Variants in TEX10 observed in about 807,000 individuals in gnomAD.
TEX10 encodes the protein testis-expressed protein 10.
In TEX10, 24 loss-of-function variants were observed where a neutral mutation model predicts 104.4. The ratio of observed to expected loss-of-function variants is 0.23; its 90% CI spans 0.17 to 0.32. TEX10 has a LOEUF of 0.32. TEX10 is among the 10% of genes least tolerant of loss of function. TEX10 has a pLI of 1.00. For missense variants in TEX10, 921 were observed against 1,083.9 expected (o/e 0.85, Z 2.11); for synonymous variants, 396 against 393.4 (o/e 1.01, Z -0.08).
In TEX10 at chr9:100,352,866, C is replaced by A. The variant is rs953066612; in HGVS notation, c.-104G>T. ...AACAGCGTGCGCCGCCGACCTCAGG[C>A]TCTAGCTCCCGGAGCGTGTTTTCAA... is the stretch of plus-strand genomic sequence containing the variant. On this transcript the variant is annotated 5_prime_UTR_variant, in exon 1 of 15. Transcript: ENST00000374902. The A allele has an allele frequency of 2.0e-6, 2 of 1,002,846 alleles. No individual in the cohort carries two copies. The highest frequency in any genetic ancestry group is 1.1e-4 in the East Asian group (1 of 9,366). The allele number at this position is 1,002,846 out of a possible 1,614,324, so 62.1% of individuals were successfully genotyped here. A position where few individuals can be genotyped will look rare whatever the true frequency, so the allele number is the denominator to read the frequency against.
At chr9:100,326,623 T>C in intron 8 of TEX10, 144 bp from the exon 9 acceptor site, 2 of 768,138 alleles carry the variant, frequency 2.6e-6, no homozygotes, top group Non-Finnish European at 2.0e-6. Flanking sequence ...AAAAGCATAA[T>C]TATATTAATA....
Position 100,333,041 on chromosome 9 carries a change from G to T in TEX10, c.1251-2872C>A, listed in dbSNP as rs371573020. Among the ~76,000 whole-genome samples the T allele has an allele frequency of 1.8e-4, 28 of 152,048 alleles. No individual in the cohort carries two copies. The East Asian group carries it at 4.1e-3, about 22-fold the overall frequency. Reference sequence around the variant, plus strand: ...TGTTTTTGAGACAGAGTGTTGCTCTGTCACCCAGGCTGGAGTGCAGTGGCA... The same window carrying T: ...TGTTTTTGAGACAGAGTGTTGCTCTTTCACCCAGGCTGGAGTGCAGTGGCA... On this transcript the variant is annotated intron_variant, in intron 5 of 14. Transcript: ENST00000374902.
In TEX10 at chr9:100,346,779, T is replaced by C. The variant is rs776337055; in HGVS notation, c.808A>G (p.Lys270Glu). ...ATSNSIFINW[K>E]EHANDQQHIQ... ...TGTTGCTGGTCGTTGGCATGTTCCTTCCAGTTGATAAAAATGGAGTTGCTA... is the reference window on the plus strand; with the variant it reads ...TGTTGCTGGTCGTTGGCATGTTCCTCCCAGTTGATAAAAATGGAGTTGCTA... Residue 270 changes from lysine (K) to glutamate (E), a missense_variant, in exon 3 of 15, where the codon AAG (lysine) becomes GAG (glutamate). This residue lies in a region of TEX10 where 753 missense variants were observed against 868.4 expected (regional missense o/e 0.87). Transcript: ENST00000374902. The C allele has an allele frequency of 2.5e-6, 4 of 1,614,210 alleles. No homozygotes were observed. In the South Asian group the frequency reaches 4.4e-5, roughly 18 times the overall value.
chr9:100,313,865 G>GAC (rs1439765028), intron 11 of TEX10, among the ~76,000 whole-genome samples: 1 of 150,552 alleles, frequency 6.6e-6, no homozygotes, highest in Non-Finnish European at 1.5e-5. Flanking sequence ...AAAAAAAAGA[G>GAC]ACACACACAT....
At chr9:100,315,855 C>G (rs1834403564) in intron 11 of TEX10, among the ~76,000 whole-genome samples, 1 of 152,184 alleles carries the variant, frequency 6.6e-6, no homozygotes, top group African/African-American at 2.4e-5. Flanking sequence ...TGACTTTAGA[C>G]AGTCTGATTA....
chr9:100,302,818 C>T (rs966563952), intron 14 of TEX10, among the ~76,000 whole-genome samples: 2 of 152,150 alleles, frequency 1.3e-5, no homozygotes, highest in Non-Finnish European at 2.9e-5. Context: ...TGAAAAAATA[C>T]TAATGAGCAC....
intron 13 of TEX10, chr9:100,306,117 T>G (rs1834137119): frequency 6.6e-6 from 1 of 151,618 alleles, no homozygotes; most frequent in African/African-American, 2.4e-5. Context: ...AAAACAAAAG[T>G]TGATGAAATA....
Position 100,326,373 on chromosome 9 carries a change from T to C in TEX10, c.1908A>G (p.Leu636=). The C allele has an allele frequency of 6.2e-7, 1 of 1,614,024 alleles. No individual in the cohort carries two copies. The highest frequency in any genetic ancestry group is 1.7e-5 in the Admixed American group (1 of 59,986). ...GTCTTCCCATAATACAGCAACGACTTAACCGAGAAAGCAAATCAGCCGGCA... is the reference window on the plus strand; with the variant it reads ...GTCTTCCCATAATACAGCAACGACTCAACCGAGAAAGCAAATCAGCCGGCA... ...PSLPADLLSR[L]SRCCIMGRLS... is the part of the protein sequence containing the mutation. The change falls in exon 9 of 15, where the codon TTA becomes TTG. Residue 636 remains leucine, a synonymous_variant. Coordinates refer to ENST00000374902, the MANE Select transcript of TEX10 (RefSeq NM_017746.4).
At chr9:100,324,058 A>C (rs753716813) in intron 9 of TEX10, among the ~76,000 whole-genome samples, 2 of 152,054 alleles carry the variant, frequency 1.3e-5, no homozygotes, top group African/African-American at 4.8e-5. Flanking sequence ...TTAAAGATGG[A>C]GTCTCCTTCT....
At position 100,341,261 on chromosome 9, in the gene TEX10, C is replaced by T. The variant is rs189110770; in HGVS notation, c.1138-892G>A. Among the ~76,000 whole-genome samples the T allele has an allele frequency of 2.6e-4, 39 of 152,296 alleles. No homozygotes were observed. In the East Asian group the frequency reaches 6.6e-3, roughly 26 times the overall value. On this transcript the variant is annotated intron_variant, in intron 4 of 14. Transcript: ENST00000374902. ...GATTACAGGCGTGAGCCACTGCACCCGGCCTTACAGCTCAATTATTGTTCC... is the reference window on the plus strand; with the variant it reads ...GATTACAGGCGTGAGCCACTGCACCTGGCCTTACAGCTCAATTATTGTTCC...
chr9:100,349,535 T>C (rs1444634756), intron 1 of TEX10, among the ~76,000 whole-genome samples, 163 bp from the exon 2 acceptor site: 1 of 152,206 alleles, frequency 6.6e-6, no homozygotes, highest in African/African-American at 2.4e-5. Flanking sequence ...TAAGAACTAT[T>C]AAAAACTCAG....
At chr9:100,321,846 A>G in intron 9 of TEX10, 75 bp from the exon 10 acceptor site, 1 of 1,088,302 alleles carries the variant, frequency 9.2e-7, no homozygotes, top group Non-Finnish European at 1.4e-6. Flanking sequence ...CACAGTATAT[A>G]ACCATTGTTC....
At chr9:100,315,213 G>A (rs1834385976) in intron 11 of TEX10, among the ~76,000 whole-genome samples, 3 of 152,116 alleles carry the variant, frequency 2.0e-5, no homozygotes, top group Non-Finnish European at 4.4e-5. Context: ...ATGTGATGAT[G>A]AGAAGAATGT....
chr9:100,351,379 AC>A (rs57238944), intron 1 of TEX10, among the ~76,000 whole-genome samples: 3 of 139,704 alleles, frequency 2.1e-5, no homozygotes, highest in South Asian at 2.5e-4. Context: ...ACAAAACAAA[AC>A]AAAAAAAAAA....
chr9:100,304,079 C>A, intron 13 of TEX10: 1 of 554,822 alleles, frequency 1.8e-6, no homozygotes. Context: ...CTACAGAACA[C>A]TGCTGAGAGA....
Position 100,340,340 on chromosome 9 carries a change from A to C in TEX10, c.1167T>G (p.Ile389Met), listed in dbSNP as rs1835142282. 1.9e-6 allele frequency: 3 copies of C among 1,567,708 alleles called. No homozygotes were observed. Among genetic ancestry groups the C allele is most frequent in the Non-Finnish European group, 2.6e-6 (3 of 1,164,572 alleles). The change falls in exon 5 of 15, where the codon ATT (isoleucine) becomes ATG (methionine). Residue 389 changes from isoleucine (I) to methionine (M), a missense_variant. Transcript: ENST00000374902. ...GACTCATAAAATGGTGTTTAAAATC[A>C]ATAAGGTAGTTCTTTCGAAGCCATG... Reference protein sequence around the residue: ...LESWLRKNYLIDFKHHFMSRF... With the variant: ...LESWLRKNYLMDFKHHFMSRF...
chr9:100,333,360 G>C (rs542054409), intron 5 of TEX10, among the ~76,000 whole-genome samples: 6 of 152,140 alleles, frequency 3.9e-5, no homozygotes, highest in Non-Finnish European at 8.8e-5. Flanking sequence ...CATCATTCTA[G>C]CAGTTTAAGG....
chr9:100,312,308 GC>G (rs924052940), intron 11 of TEX10, among the ~76,000 whole-genome samples: 14 of 152,150 alleles, frequency 9.2e-5, no homozygotes, highest in African/African-American at 2.9e-4. Flanking sequence ...TGCTGAGATG[GC>G]CCAGAGTAGA....
Position 100,352,896 on chromosome 9 carries a change from C to A in TEX10, c.-134G>T, listed in dbSNP as rs1288445860. 2.9e-5 allele frequency: 29 copies of A among 992,764 alleles called. No homozygotes were observed. Among genetic ancestry groups the A allele is most frequent in the South Asian group, 4.6e-5 (1 of 21,876 alleles). 61.5% of individuals were successfully genotyped at this position (992,764 alleles called of 1,614,324 possible). A position where few individuals can be genotyped will look rare whatever the true frequency, so the allele number is the denominator to read the frequency against. On this transcript the variant is annotated 5_prime_UTR_variant, in exon 1 of 15. Coordinates refer to ENST00000374902, the MANE Select transcript of TEX10 (RefSeq NM_017746.4). ...GCTCCCGGAGCGTGTTTTCAAATAG[C>A]CTCGTCCTCACGCGGCCGCGTCTCC...
Sources: allele counts gnomAD v4.1 joint callset (sites outside exome capture counted in the v4.1 genomes callset), GRCh38; gene constraint gnomAD v4.1.1; regional missense constraint gnomAD v4.1.1; transcripts MANE v1.5; gene names NCBI Gene and HGNC (gene_info 2026-07-23, HGNC 2026-07-21).